PEX14: variants seen among roughly 807,000 people sequenced by gnomAD.
PEX14 encodes the protein peroxisomal biogenesis factor 14, also known as peroxisomal membrane protein PEX14.
In PEX14, 15 loss-of-function variants were observed where a neutral mutation model predicts 49.5. The observed-to-expected ratio is 0.30, with a 90% confidence interval of 0.20 to 0.47. The LOEUF is 0.47. Ranked by LOEUF, PEX14 falls within the 20% of genes least tolerant of loss-of-function variation. The pLI is 1.00. For missense variants in PEX14, 398 were observed against 494.8 expected, an observed-to-expected ratio of 0.80 and a Z score of 1.86; for synonymous variants, 210 against 212.7, an observed-to-expected ratio of 0.99 and a Z score of 0.11.
At chr1:10,538,332 C>G (rs989492914) in intron 3 of PEX14, among the ~76,000 whole-genome samples, 1 of 152,188 alleles carries the variant, frequency 6.6e-6, no homozygotes, top group African/African-American at 2.4e-5. Flanking sequence ...ATAATTCCTT[C>G]TTGACCCCTA....
At chr1:10,499,483 C>T (rs903715131) in intron 2 of PEX14, among the ~76,000 whole-genome samples, 4 of 135,164 alleles carry the variant, frequency 3.0e-5, no homozygotes, top group Non-Finnish European at 3.1e-5. Context: ...GAGTCTTGCT[C>T]TGTCACCCAG....
At chr1:10,588,474 T>G (rs1460302959) in intron 3 of PEX14, among the ~76,000 whole-genome samples, 3 of 152,228 alleles carry the variant, frequency 2.0e-5, no homozygotes, top group African/African-American at 4.8e-5. Context: ...CTGCCTCTTA[T>G]GCTTTCAGGT....
At chr1:10,588,176 C>T (rs1040958960) in intron 3 of PEX14, among the ~76,000 whole-genome samples, 2 of 151,718 alleles carry the variant, frequency 1.3e-5, no homozygotes, top group African/African-American at 2.4e-5. Flanking sequence ...GCCGAGATTG[C>T]ACCACAGCGC....
chr1:10,584,715 G>T (rs554864791), intron 3 of PEX14, among the ~76,000 whole-genome samples: 1 of 152,220 alleles, frequency 6.6e-6, no homozygotes, highest in Admixed American at 6.5e-5. Flanking sequence ...TAAAAGTGAA[G>T]GAAAATACAG....
At chr1:10,536,388 GC>G in intron 3 of PEX14, 91 bp downstream of exon 3, 2 of 840,774 alleles carry the variant, frequency 2.4e-6, no homozygotes, top group Non-Finnish European at 4.1e-6. Flanking sequence ...GTGCTGAGCT[GC>G]CAGGACTTCC....
Position 10,554,861 on chromosome 1 carries a change from C to G in PEX14, c.169+18564C>G, listed in dbSNP as rs79501877. Among the ~76,000 whole-genome samples, 1,139 of 152,140 alleles carry G rather than the reference C, an allele frequency of 7.5e-3. 18 individuals carry two copies. The highest frequency in any genetic ancestry group is 0.026 in the African/African-American group (1,092 of 41,482). On this transcript the variant is annotated intron_variant, in intron 3 of 8. Transcript: ENST00000356607. ...TCCTGAGTAGCTGGGATTACTGATG[C>G]GTACCACCATACACCCAGCTAATTT...
chr1:10,504,511 G>T (rs1403913104), intron 2 of PEX14, among the ~76,000 whole-genome samples: 1 of 152,190 alleles, frequency 6.6e-6, no homozygotes, highest in Non-Finnish European at 1.5e-5. Context: ...CAGCTCTCCT[G>T]TTTGTGTGCA....
intron 1 of PEX14, among the ~76,000 whole-genome samples, chr1:10,480,841 TTC>T (rs35200732): frequency 0.22 from 32,509 of 148,310 alleles, 3,649 homozygotes; most frequent in African/African-American, 0.25. Flanking sequence ...CTCTCTCTCT[TTC>T]TCTCTCTCTC....
intron 3 of PEX14, among the ~76,000 whole-genome samples, chr1:10,559,049 C>T (rs986268262): frequency 5.9e-5 from 9 of 152,050 alleles, no homozygotes; most frequent in Non-Finnish European, 1.3e-4. Flanking sequence ...TTTTAATAGT[C>T]CTAATTGTTT....
intron 2 of PEX14, among the ~76,000 whole-genome samples, chr1:10,501,547 C>T (rs6658216): frequency 0.55 from 82,920 of 151,846 alleles, 25,655 homozygotes; most frequent in South Asian, 0.72. Context: ...GTGATCCGCC[C>T]GCCTCGGCCT....
At position 10,503,307 on chromosome 1, in the gene PEX14, G is replaced by C. The variant is rs202087283; in HGVS notation, c.84+7986G>C. On this transcript the variant is annotated intron_variant, in intron 2 of 8. Coordinates refer to ENST00000356607, the MANE Select transcript of PEX14 (RefSeq NM_004565.3). ...AAAAAAAAAAAAAAAAAAAAAAAAA[G>C]AAAGAAAGAAAAGAAAAGAAAAAAG... 2.5e-4 allele frequency among the ~76,000 whole-genome samples: 17 copies of C among 67,104 alleles called. No individual in the cohort carries two copies. The East Asian group carries it at 9.4e-3, about 37-fold the overall frequency. The allele number at this position is 67,104 out of a possible 152,430, so 44.0% of individuals were successfully genotyped here. A position where few individuals can be genotyped will look rare whatever the true frequency, so the allele number is the denominator to read the frequency against.
At chr1:10,566,934 A>G (rs1393772327) in intron 3 of PEX14, among the ~76,000 whole-genome samples, 1 of 152,116 alleles carries the variant, frequency 6.6e-6, no homozygotes, top group East Asian at 1.9e-4. Flanking sequence ...ATAATCCAGC[A>G]TCCATTATTG....
Position 10,629,225 on chromosome 1 carries a change from C to T in PEX14, c.678-306C>T, listed in dbSNP as rs560599978. 8.5e-5 allele frequency among the ~76,000 whole-genome samples: 13 copies of T among 152,336 alleles called. No individual in the cohort carries two copies. Among genetic ancestry groups the T allele is most frequent in the Non-Finnish European group, 1.6e-4 (11 of 68,024 alleles). On this transcript the variant is annotated intron_variant, in intron 8 of 8. Transcript: ENST00000356607. This position sits in a 1 kb window ranked among gnomAD's most constrained non-coding sequence, Gnocchi z 8.5. ...TGAGGATCAGAAGGAAGCAGGCTCC[C>T]GCATGGCAGGCAGGCCCCACTTGGC...
chr1:10,556,073 C>T (rs1639479697), intron 3 of PEX14, among the ~76,000 whole-genome samples: 2 of 152,128 alleles, frequency 1.3e-5, no homozygotes, highest in African/African-American at 4.8e-5. Context: ...AGCCCAGAGG[C>T]CTGCCACTGA....
intron 3 of PEX14, among the ~76,000 whole-genome samples, chr1:10,537,341 A>AACCCCCCCCCCCCCCCC (rs1553187430): frequency 7.0e-5 from 2 of 28,430 alleles, no homozygotes; most frequent in African/African-American, 2.8e-4. Flanking sequence ...TTGTGCCAGC[A>AACCCCCCCCCCCCCCCC]CCCCCCCCCC....
intron 8 of PEX14, 57 bp downstream of exon 8, chr1:10,627,420 G>A: frequency 1.6e-6 from 2 of 1,245,138 alleles, no homozygotes; most frequent in Non-Finnish European, 2.4e-6. Flanking sequence ...AGGACTGGGA[G>A]CTCTGGGGCA....
At chr1:10,556,427 C>T (rs4240915) in intron 3 of PEX14, among the ~76,000 whole-genome samples, 110,686 of 151,940 alleles carry the variant, frequency 0.73, 41,429 homozygotes, top group Non-Finnish European at 0.82. Flanking sequence ...TTTCCTCTCA[C>T]GCACTTTGTC....
At chr1:10,583,287 A>T (rs1488268249) in intron 3 of PEX14, among the ~76,000 whole-genome samples, 7 of 149,774 alleles carry the variant, frequency 4.7e-5, no homozygotes, top group Non-Finnish European at 1.0e-4. Context: ...TGGTGCAGTC[A>T]TGGCTCACTG....
At chr1:10,573,647 G>C (rs1640043959) in intron 3 of PEX14, among the ~76,000 whole-genome samples, 1 of 152,202 alleles carries the variant, frequency 6.6e-6, no homozygotes, top group Non-Finnish European at 1.5e-5. Context: ...ATGCATTGAT[G>C]ATGAGTGTAG....
Sources: gnomAD v4.1 joint callset for allele counts (sites outside exome capture counted in the v4.1 genomes callset) on GRCh38, gnomAD v4.1.1 for gene constraint, Gnocchi (gnomAD v3.1) non-coding constraint, MANE v1.5 for transcripts, NCBI Gene and HGNC (gene_info 2026-07-23, HGNC 2026-07-21) for gene names.